IGLL1: variants seen among roughly 807,000 people sequenced by gnomAD.
IGLL1 encodes immunoglobulin lambda like polypeptide 1, also known as immunoglobulin lambda-like polypeptide 1.
IGLL1 carries 10 observed loss-of-function variants against 10.5 expected under a neutral mutation model. The ratio of observed to expected loss-of-function variants is 0.95; its 90% confidence interval spans 0.59 to 1.62. IGLL1 has a LOEUF of 1.62. Ranked by LOEUF, IGLL1 falls within the 40% of genes most tolerant of loss-of-function variation. IGLL1 has a pLI of 0.00. For missense variants in IGLL1, 284 were observed against 278.7 expected (o/e 1.02, Z -0.14); for synonymous variants, 141 against 122.7 (o/e 1.15, Z -0.99).
chr22:23,579,114 G>T (rs531816894), intron 1 of IGLL1, among the ~76,000 whole-genome samples: 1 of 152,100 alleles, frequency 6.6e-6, no homozygotes, highest in Non-Finnish European at 1.5e-5. Flanking sequence ...GAGTGACTCG[G>T]ACGGGTCACC....
chr22:23,578,821 G>A (rs752607952), intron 1 of IGLL1, among the ~76,000 whole-genome samples: 27 of 152,276 alleles, frequency 1.8e-4, no homozygotes, highest in South Asian at 4.1e-4. Flanking sequence ...TTAGCCAGGT[G>A]TGGTGGCAGA....
In IGLL1 at chr22:23,580,115, G is replaced by C; in HGVS notation, c.76C>G (p.Leu26Val). Residue 26 changes from leucine (L) to valine (V), a missense_variant, in exon 1 of 3, where the codon CTG becomes GTG. Transcript: ENST00000330377. ...PGPNLRQRWP[L>V]LLLGLAVVTH... The stretch of plus-strand genomic sequence containing the variant: ...ACCACGGCCAGACCCAGCAGCAGCA[G>C]GGGCCAGCGCTGCCTGAGGTTGGGG... The C allele has an allele frequency of 6.4e-7, 1 of 1,567,638 alleles. No individual in the cohort carries two copies. Among genetic ancestry groups the C allele is most frequent in the Non-Finnish European group, 8.6e-7 (1 of 1,159,158 alleles).
intron 1 of IGLL1, among the ~76,000 whole-genome samples, chr22:23,578,853 C>T (rs370487242): frequency 4.4e-4 from 67 of 152,064 alleles, no homozygotes; most frequent in Non-Finnish European, 7.9e-4. Context: ...CCAGCTACTC[C>T]GGAAGCTGAG....
rs1342647933 is a variant in IGLL1, at chr22:23,576,221, C to T, written c.207-1139G>A. ...CAGCCAGAAACCTGGAGTCCCTGGA[C>T]TCAGTCACCTCGCCTCCCACACTGA... On this transcript the variant is annotated intron_variant, in intron 1 of 2. Transcript: ENST00000330377. 3.9e-5 allele frequency among the ~76,000 whole-genome samples: 6 copies of T among 152,014 alleles called. 1 individual carries two copies. Among genetic ancestry groups the T allele is most frequent in the Admixed American group, 1.3e-4 (2 of 15,262 alleles).
chr22:23,574,592 G>A (rs962628667), intron 2 of IGLL1, among the ~76,000 whole-genome samples: 2 of 152,146 alleles, frequency 1.3e-5, no homozygotes, highest in African/African-American at 4.8e-5. Flanking sequence ...TGGGCATCCA[G>A]CCCTCAGCCT....
In IGLL1 at chr22:23,580,118, G is replaced by A. The variant is rs1005417044; in HGVS notation, c.73C>T (p.Pro25Ser). 1.9e-6 allele frequency: 3 copies of A among 1,565,542 alleles called. No homozygotes were observed. Among genetic ancestry groups the A allele is most frequent in the Admixed American group, 1.9e-5 (1 of 52,704 alleles). ...EPGPNLRQRWPLLLLGLAVVT... is the reference protein window; with the variant it reads ...EPGPNLRQRWSLLLLGLAVVT... ...ACGGCCAGACCCAGCAGCAGCAGGG[G>A]CCAGCGCTGCCTGAGGTTGGGGCCT... is the stretch of plus-strand genomic sequence containing the variant. Residue 25 changes from proline (P) to serine (S), a missense_variant, in exon 1 of 3, where the codon CCC becomes TCC. Physicochemically the swap from Pro to Ser is moderately conservative, Grantham distance 74. Coordinates refer to ENST00000330377, the MANE Select transcript of IGLL1 (RefSeq NM_020070.4).
intron 1 of IGLL1, among the ~76,000 whole-genome samples, chr22:23,576,652 G>C (rs557644179): frequency 6.6e-6 from 1 of 152,066 alleles, no homozygotes; most frequent in African/African-American, 2.4e-5. Flanking sequence ...GGCTGGTCTC[G>C]AACTCCCGAC....
rs369036830 is a variant in IGLL1 at position 23,575,178 on chromosome 22, G to C, written c.207-96C>G. 3.4e-3 allele frequency: 2,925 copies of C among 853,292 alleles called. 66 individuals carry two copies. The highest frequency in any genetic ancestry group is 0.031 in the South Asian group (2,369 of 75,592). The allele number at this position is 853,292 out of a possible 1,614,324, so 52.9% of individuals were successfully genotyped here. The stretch of plus-strand genomic sequence containing the variant: ...AGTGTCCCAGTAGTGTCCCCCAGTA[G>C]TGTCTCTGTGCCTGTCCCTTCTCTG... On this transcript the variant is annotated intron_variant, in intron 1 of 2. Transcript: ENST00000330377.
chr22:23,573,291 G>A lies in IGLL1; in HGVS notation c.617C>T (p.Thr206Met), dbSNP rs758735353. The change falls in exon 3 of 3, where the codon ACG (threonine) becomes ATG (methionine). Residue 206 changes from threonine to methionine, a missense_variant. By Grantham distance (81) the Thr-to-Met change is moderately conservative (BLOSUM62 -1). Transcript: ENST00000330377. ...VMHEGSTVEKTVAPAECS is the reference protein window; with the variant it reads ...VMHEGSTVEKMVAPAECS The stretch of plus-strand genomic sequence containing the variant: ...CTATGAACATTCTGCAGGGGCCACC[G>A]TCTTCTCCACGGTGCTCCCTTCGTG... 2.5e-5 allele frequency: 40 copies of A among 1,613,980 alleles called. No homozygotes were observed. The highest frequency in any genetic ancestry group is 3.1e-5 in the Non-Finnish European group (36 of 1,180,014).
chr22:23,576,598 TTTTTTGTA>T (rs1925079331), intron 1 of IGLL1, among the ~76,000 whole-genome samples: 2 of 152,010 alleles, frequency 1.3e-5, no homozygotes, highest in Admixed American at 6.6e-5. Context: ...ACTTGGCTAA[TTTTTTGTA>T]TTTTCAGTAG....
chr22:23,577,650 A>G (rs949119585), intron 1 of IGLL1, among the ~76,000 whole-genome samples: 15 of 145,844 alleles, frequency 1.0e-4, no homozygotes, highest in Non-Finnish European at 1.9e-4. Flanking sequence ...CAATCCTCTC[A>G]CCAGCCTCCT....
intron 1 of IGLL1, among the ~76,000 whole-genome samples, chr22:23,576,146 C>T (rs1013882309): frequency 1.3e-5 from 2 of 151,546 alleles, no homozygotes; most frequent in Non-Finnish European, 3.0e-5. Context: ...CAGCCCAGCT[C>T]ATTTTCTGTC....
rs1158575042 is a variant in IGLL1 at position 23,579,153 on chromosome 22, C to T, written c.206+832G>A. ...CCTCTCCGGGCTCTATCCCCGTCTG[C>T]ACAAAGGGGATCACAGCAGGACCTG... On this transcript the variant is annotated intron_variant, in intron 1 of 2. Transcript: ENST00000330377. Among the ~76,000 whole-genome samples, 4 of 151,886 alleles carry T rather than the reference C, an allele frequency of 2.6e-5. No homozygotes were observed. The East Asian group carries it at 7.7e-4, about 29-fold the overall frequency.
rs370926069 is a variant in IGLL1 at position 23,573,959 on chromosome 22, A to G, written c.323-374T>C. ...AACTATACTGGCAGGATGTGGGGAG[A>G]CCCAAGCCTGGCATGGCCTGGAGCT... On this transcript the variant is annotated intron_variant, in intron 2 of 2. Coordinates refer to ENST00000330377, the MANE Select transcript of IGLL1 (RefSeq NM_020070.4). 4.7e-3 allele frequency among the ~76,000 whole-genome samples: 681 copies of G among 143,446 alleles called. 20 individuals are homozygous for G. Among genetic ancestry groups the G allele is most frequent in the Middle Eastern group, 0.011 (3 of 282 alleles). 94.1% of individuals were successfully genotyped at this position (143,446 alleles called of 152,430 possible).
Position 23,580,057 on chromosome 22 carries a change from G to A in IGLL1, c.134C>T (p.Ser45Leu), listed in dbSNP as rs758781859. 15 of 1,575,172 alleles carry A rather than the reference G, an allele frequency of 9.5e-6. No individual in the cohort carries two copies. The highest frequency in any genetic ancestry group is 5.5e-5 in the Admixed American group (3 of 54,138). Residue 45 changes from serine (S) to leucine (L), a missense_variant, in exon 1 of 3, where the codon TCG becomes TTG. Transcript: ENST00000330377. ...THGLLRPTAA[S>L]QSRALGPGAP... Reference sequence around the variant, plus strand: ...TCCAGGGCCCAGGGCCCTGCTCTGCGATGCAGCTGTTGGGCGCAGCAGGCC... The same window carrying A: ...TCCAGGGCCCAGGGCCCTGCTCTGCAATGCAGCTGTTGGGCGCAGCAGGCC...
Position 23,573,203 on chromosome 22 carries a change from A to G in IGLL1, c.*63T>C. ...GGGCTGGATGGCTTGGGATGCAGAGAGAGACCCTTCCCCTGGGATCCTGCA... is the reference window on the plus strand; with the variant it reads ...GGGCTGGATGGCTTGGGATGCAGAGGGAGACCCTTCCCCTGGGATCCTGCA... On this transcript the variant is annotated 3_prime_UTR_variant, in exon 3 of 3. Coordinates refer to ENST00000330377, the MANE Select transcript of IGLL1 (RefSeq NM_020070.4). 2 of 1,514,550 alleles carry G rather than the reference A, an allele frequency of 1.3e-6. No homozygotes were observed. Among genetic ancestry groups the G allele is most frequent in the Non-Finnish European group, 1.8e-6 (2 of 1,090,478 alleles). 93.8% of individuals were successfully genotyped at this position (1,514,550 alleles called of 1,614,324 possible).
intron 1 of IGLL1, among the ~76,000 whole-genome samples, chr22:23,577,445 C>G (rs1569071455): frequency 6.6e-6 from 1 of 150,456 alleles, no homozygotes; most frequent in African/African-American, 2.4e-5. Flanking sequence ...TTCTTAAAAA[C>G]AATGAAAATA....
chr22:23,574,854 A>AGG (rs1459664443), intron 2 of IGLL1, 113 bp downstream of exon 2: 10 of 758,560 alleles, frequency 1.3e-5, no homozygotes, highest in Non-Finnish European at 2.3e-5. Context: ...GGACAAAGGT[A>AGG]GGGGTCAGTG....
At chr22:23,579,130 T>G (rs1322986342) in intron 1 of IGLL1, among the ~76,000 whole-genome samples, 1 of 151,942 alleles carries the variant, frequency 6.6e-6, no homozygotes, top group Non-Finnish European at 1.5e-5. Context: ...TCACCTCACC[T>G]CTCCGGGCTC....
Sources: gnomAD v4.1 joint callset for allele counts (sites outside exome capture counted in the v4.1 genomes callset) on GRCh38, gnomAD v4.1.1 for gene constraint, MANE v1.5 for transcripts, NCBI Gene and HGNC (gene_info 2026-07-23, HGNC 2026-07-21) for gene names.